The following SLC36A1 variants were observed in gnomAD, a reference collection of about 807,000 sequenced individuals.
SLC36A1 encodes solute carrier family 36 member 1.
SLC36A1 carries 30 observed loss-of-function variants against 47.5 expected under a neutral mutation model. The ratio of observed to expected loss-of-function variants is 0.63; its 90% CI spans 0.47 to 0.86. The LOEUF (loss-of-function observed/expected upper bound fraction) is 0.86. Among genes scored for constraint, SLC36A1 ranks in the 40% least tolerant of loss-of-function variants. SLC36A1 has a pLI of 0.00. For synonymous variants in SLC36A1, 255 were observed against 249.7 expected, an observed-to-expected ratio of 1.02 and a Z score of -0.20; for missense variants, 517 against 606.0, an observed-to-expected ratio of 0.85 and a Z score of 1.54.
chr5:151,459,113 A>G (rs992655019), intron 2 of SLC36A1, among the ~76,000 whole-genome samples, 178 bp downstream of exon 2: 10 of 152,304 alleles, frequency 6.6e-5, no homozygotes, highest in South Asian at 2.1e-4. Context: ...CTCTCTAGGC[A>G]GTTTCTTACT....
the SLC36A1 span, among the ~76,000 whole-genome samples, chr5:151,367,216 C>T: frequency 6.6e-6 from 1 of 152,114 alleles, no homozygotes; most frequent in Admixed American, 6.5e-5. Flanking sequence ...ACTGGTCTTA[C>T]CACAAATTTA....
At chr5:151,473,208 AG>A (rs1757567102) in intron 7 of SLC36A1, among the ~76,000 whole-genome samples, 1 of 151,340 alleles carries the variant, frequency 6.6e-6, no homozygotes, top group African/African-American at 2.4e-5. Context: ...ATAGATAGAT[AG>A]ATAGATAGAT....
At chr5:151,513,438 T>C in the SLC36A1 span, among the ~76,000 whole-genome samples, 2 of 152,304 alleles carry the variant, frequency 1.3e-5, no homozygotes, top group South Asian at 4.2e-4. Context: ...ATTATGTCCT[T>C]TGCAGCAACA....
chr5:151,454,080 T>G (rs1433445929), intron 1 of SLC36A1, among the ~76,000 whole-genome samples: 2 of 133,282 alleles, frequency 1.5e-5, no homozygotes, highest in Non-Finnish European at 3.1e-5. Context: ...TTTGTACACT[T>G]AAATTTTTTT....
chr5:151,506,197 G>C, the SLC36A1 span: 1 of 1,294,994 alleles, frequency 7.7e-7, no homozygotes, highest in Admixed American at 2.8e-5. Flanking sequence ...GGTGGAGATG[G>C]GAGTGGGTGG....
the SLC36A1 span, among the ~76,000 whole-genome samples, chr5:151,346,729 C>A: frequency 6.6e-6 from 1 of 152,006 alleles, no homozygotes; most frequent in African/African-American, 2.4e-5. Flanking sequence ...GTTTTGGAAG[C>A]CTTGTGAATA....
At chr5:151,555,011 C>T in the SLC36A1 span, among the ~76,000 whole-genome samples, 4,769 of 152,238 alleles carry the variant, frequency 0.031, 184 homozygotes, top group African/African-American at 0.089. Flanking sequence ...TCTCTGGTTT[C>T]CTTAAGTTGC....
the SLC36A1 span, among the ~76,000 whole-genome samples, chr5:151,503,633 T>A: frequency 1.3e-5 from 2 of 152,044 alleles, no homozygotes. Flanking sequence ...GGGTGCGCTG[T>A]GGAGTAGCAG....
chr5:151,479,990 A>G (rs2271217), intron 10 of SLC36A1: 156,009 of 765,062 alleles, frequency 0.2, 17,913 homozygotes, highest in East Asian at 0.38. Context: ...GAAAATTTCT[A>G]TTGATTAACC....
the SLC36A1 span, chr5:151,550,742 C>A: frequency 2.5e-6 from 4 of 1,614,038 alleles, no homozygotes; most frequent in Non-Finnish European, 3.4e-6. Flanking sequence ...TTGCCCTTGT[C>A]TTGATCTATG....
At chr5:151,417,120 G>A in the SLC36A1 span, among the ~76,000 whole-genome samples, 1 of 152,288 alleles carries the variant, frequency 6.6e-6, no homozygotes, top group Non-Finnish European at 1.5e-5. Context: ...CTTCATAGCA[G>A]TGTGAAAACG....
At chr5:151,428,200 G>C in the SLC36A1 span, among the ~76,000 whole-genome samples, 5 of 152,260 alleles carry the variant, frequency 3.3e-5, no homozygotes, top group African/African-American at 4.8e-5. Context: ...ATATATTTCT[G>C]ATATTTTTCT....
the SLC36A1 span, chr5:151,527,855 A>T: frequency 1.7e-6 from 2 of 1,186,196 alleles, no homozygotes; most frequent in Non-Finnish European, 1.2e-6. Context: ...GGCCCCACAG[A>T]GAAAACAAGT....
chr5:151,522,051 C>T, the SLC36A1 span: 13 of 1,604,400 alleles, frequency 8.1e-6, no homozygotes, highest in East Asian at 2.2e-5. Context: ...GGACAGACGT[C>T]AAAGACGAGA....
the SLC36A1 span, among the ~76,000 whole-genome samples, chr5:151,431,964 T>G: frequency 1.2e-4 from 19 of 152,020 alleles, no homozygotes; most frequent in Non-Finnish European, 2.5e-4. Flanking sequence ...TTGCCCAGAG[T>G]GGCACAGACT....
chr5:151,422,395 A>T, the SLC36A1 span, among the ~76,000 whole-genome samples: 4 of 152,224 alleles, frequency 2.6e-5, no homozygotes, highest in Admixed American at 6.5e-5. Flanking sequence ...AAACTCAAAG[A>T]TAAGAAAAGA....
chr5:151,493,943 G>C (rs1760267938), downstream of SLC36A1, among the ~76,000 whole-genome samples: 1 of 152,162 alleles, frequency 6.6e-6, no homozygotes, highest in Non-Finnish European at 1.5e-5. Flanking sequence ...ACTTCTGCTT[G>C]TTGTTCTGGC....
chr5:151,546,102 A>G, the SLC36A1 span: 496 of 1,614,198 alleles, frequency 3.1e-4, no homozygotes, highest in Non-Finnish European at 3.6e-5. Flanking sequence ...TTGGGGAACC[A>G]ACAGGGATTG....
chr5:151,511,828 T>C, the SLC36A1 span: 1 of 244,724 alleles, frequency 4.1e-6, no homozygotes, highest in East Asian at 7.9e-5. Flanking sequence ...GGGAAGGGAG[T>C]GGAATATAAG....
Sources: allele counts gnomAD v4.1 joint callset (sites outside exome capture counted in the v4.1 genomes callset), GRCh38; gene constraint gnomAD v4.1.1; transcripts MANE v1.5; gene names NCBI Gene and HGNC (gene_info 2026-07-23, HGNC 2026-07-21).